The following WDR72 variants were observed in gnomAD, a reference collection of about 807,000 sequenced individuals.
WDR72 encodes the protein WD repeat-containing protein 72.
A neutral mutation model predicts 124.2 loss-of-function variants in WDR72; 120 were observed. That is an observed-to-expected ratio of 0.97 (90% confidence interval 0.83 to 1.12). The LOEUF is 1.12. WDR72 is among the 50% of genes most tolerant of loss of function. The pLI is 0.00. For synonymous variants in WDR72, 452 were observed against 441.7 expected (o/e 1.02, Z -0.29); for missense variants, 1,387 against 1,278.8 (o/e 1.08, Z -1.29).
intron 18 of WDR72, among the ~76,000 whole-genome samples, chr15:53,581,835 A>G (rs1271605346): frequency 7.2e-5 from 11 of 152,054 alleles, no homozygotes; most frequent in Non-Finnish European, 1.5e-4. Flanking sequence ...TTCCATAAAG[A>G]TTTACTTGAC....
intron 17 of WDR72, among the ~76,000 whole-genome samples, chr15:53,607,341 A>C (rs890444408): frequency 1.1e-4 from 16 of 152,182 alleles, no homozygotes; most frequent in African/African-American, 3.4e-4. Context: ...GGACCAATGG[A>C]AGAGAACAGA....
At chr15:53,753,002 G>A (rs2018811482) in intron 1 of WDR72, among the ~76,000 whole-genome samples, 1 of 152,132 alleles carries the variant, frequency 6.6e-6, no homozygotes, top group South Asian at 2.1e-4. Flanking sequence ...TCCTAAGTAT[G>A]TAAAGAACCA....
intron 13 of WDR72, among the ~76,000 whole-genome samples, chr15:53,683,756 C>T (rs74015885): frequency 0.027 from 4,111 of 152,098 alleles, 108 homozygotes; most frequent in East Asian, 0.069. Flanking sequence ...ATCAATGATA[C>T]ATCTATAAAT....
At chr15:53,622,502 T>C (rs755674460) in intron 14 of WDR72, among the ~76,000 whole-genome samples, 10 of 152,034 alleles carry the variant, frequency 6.6e-5, no homozygotes, top group East Asian at 3.9e-4. Flanking sequence ...TGCAAGCCAT[T>C]ATCCTCAGCA....
chr15:53,680,001 A>G (rs1389575055), intron 13 of WDR72, among the ~76,000 whole-genome samples: 1 of 152,008 alleles, frequency 6.6e-6, no homozygotes, highest in Non-Finnish European at 1.5e-5. Flanking sequence ...AACCTTATGC[A>G]ATTTAAATTT....
chr15:53,577,197 G>A (rs1266107840), intron 18 of WDR72, among the ~76,000 whole-genome samples: 3 of 152,166 alleles, frequency 2.0e-5, no homozygotes. Context: ...CAGCAAGGAA[G>A]AACTTCTGCA....
At chr15:53,686,218 T>G (rs1250970851) in intron 13 of WDR72, among the ~76,000 whole-genome samples, 3 of 150,528 alleles carry the variant, frequency 2.0e-5, no homozygotes, top group Non-Finnish European at 4.4e-5. Context: ...CAATATTAAC[T>G]TTAAATGTAA....
At chr15:53,553,984 T>A (rs938838076) in intron 18 of WDR72, among the ~76,000 whole-genome samples, 1 of 152,194 alleles carries the variant, frequency 6.6e-6, no homozygotes, top group African/African-American at 2.4e-5. Context: ...GTAAACTTGG[T>A]AAATGTTTAC....
intron 1 of WDR72, among the ~76,000 whole-genome samples, chr15:53,748,814 C>T (rs2018706016): frequency 6.6e-6 from 1 of 152,164 alleles, no homozygotes; most frequent in Non-Finnish European, 1.5e-5. Flanking sequence ...AACTCAATTA[C>T]TTCCTTTATT....
At chr15:53,562,807 T>C (rs1479736660) in intron 18 of WDR72, among the ~76,000 whole-genome samples, 1 of 151,812 alleles carries the variant, frequency 6.6e-6, no homozygotes, top group African/African-American at 2.4e-5. Flanking sequence ...ACTTGGTATA[T>C]GATGGCAGGC....
chr15:53,620,563 A>G (rs1358163007), intron 14 of WDR72, among the ~76,000 whole-genome samples: 1 of 152,098 alleles, frequency 6.6e-6, no homozygotes, highest in Non-Finnish European at 1.5e-5. Context: ...CACCCTATGC[A>G]ACAAATGGTG....
intron 18 of WDR72, among the ~76,000 whole-genome samples, chr15:53,542,486 G>A (rs1193720883): frequency 3.6e-5 from 1 of 28,162 alleles, no homozygotes; most frequent in African/African-American, 1.4e-4. Context: ...AAGAGCTCCT[G>A]AAGGAAGCGC....
chr15:53,552,119 A>C (rs1329050500), intron 18 of WDR72, among the ~76,000 whole-genome samples: 1 of 129,214 alleles, frequency 7.7e-6, no homozygotes, highest in East Asian at 2.2e-4. Flanking sequence ...GAATTATTCT[A>C]TACCTATCAT....
chr15:53,552,859 T>A (rs1221808936), intron 18 of WDR72, among the ~76,000 whole-genome samples: 1 of 152,054 alleles, frequency 6.6e-6, no homozygotes, highest in African/African-American at 2.4e-5. Flanking sequence ...GGAAAACCTA[T>A]GACTACCCAC....
intron 14 of WDR72, among the ~76,000 whole-genome samples, chr15:53,625,779 A>T (rs972572515): frequency 1.3e-5 from 2 of 148,252 alleles, no homozygotes; most frequent in African/African-American, 5.1e-5. Flanking sequence ...GGAAAAACAG[A>T]AAGGACCAAC....
chr15:53,595,941 T>G (rs1410867456), intron 18 of WDR72, among the ~76,000 whole-genome samples: 1 of 152,156 alleles, frequency 6.6e-6, no homozygotes. Context: ...TGTCCTGGCA[T>G]TAAAACATAT....
At chr15:53,645,298 C>T (rs563508599) in intron 14 of WDR72, among the ~76,000 whole-genome samples, 20 of 152,182 alleles carry the variant, frequency 1.3e-4, no homozygotes, top group South Asian at 2.1e-4. Flanking sequence ...TAAAGATAAA[C>T]GAAATTGTGT....
At chr15:53,642,040 T>C (rs538438809) in intron 14 of WDR72, among the ~76,000 whole-genome samples, 28 of 152,096 alleles carry the variant, frequency 1.8e-4, no homozygotes, top group African/African-American at 6.7e-4. Context: ...GTATGATTAC[T>C]GTTGCTATTT....
chr15:53,568,785 G>C (rs528860952), intron 18 of WDR72, among the ~76,000 whole-genome samples: 1 of 151,856 alleles, frequency 6.6e-6, no homozygotes, highest in African/African-American at 2.4e-5. Flanking sequence ...CTATGTGTAG[G>C]GTTATCATTT....
Sources: allele counts gnomAD v4.1 joint callset (sites outside exome capture counted in the v4.1 genomes callset), GRCh38; gene constraint gnomAD v4.1.1; transcripts MANE v1.5; gene names NCBI Gene and HGNC (gene_info 2026-07-23, HGNC 2026-07-21).